The following RP2 variants were observed in gnomAD, a reference collection of about 807,000 sequenced individuals.
RP2 encodes the protein protein XRP2.
In RP2, 3 loss-of-function variants were observed where a neutral mutation model predicts 20.3. The observed-to-expected ratio is 0.15, with a 90% CI of 0.07 to 0.38. The LOEUF is 0.38. Ranked by LOEUF, RP2 falls within the 10% of genes least tolerant of loss-of-function variation. The pLI, the probability that RP2 is intolerant of heterozygous loss-of-function variation, is 1.00. For missense variants in RP2, 233 were observed against 268.5 expected, an observed-to-expected ratio of 0.87 and a Z score of 0.92; for synonymous variants, 75 against 94.8, an observed-to-expected ratio of 0.79 and a Z score of 1.22.
chrX:46,868,100 T>C (rs1450510809), intron 3 of RP2, among the ~76,000 whole-genome samples: 1 of 112,249 alleles, frequency 8.9e-6, no homozygotes, highest in Non-Finnish European at 1.9e-5. Context: ...TGAGTGTACA[T>C]AACTTTTCAA....
intron 1 of RP2, among the ~76,000 whole-genome samples, chrX:46,841,093 G>T (rs1353871958): frequency 8.9e-6 from 1 of 111,859 alleles, no homozygotes; most frequent in African/African-American, 3.2e-5. Context: ...CACCTCTGAG[G>T]AAAGAACTTA....
At chrX:46,847,787 C>CATAT (rs371505091) in intron 1 of RP2, among the ~76,000 whole-genome samples, 34 of 82,645 alleles carry the variant, frequency 4.1e-4, no homozygotes, top group South Asian at 3.8e-3. Flanking sequence ...TACATACACA[C>CATAT]ATGTGTGTGT....
intron 1 of RP2, among the ~76,000 whole-genome samples, chrX:46,845,420 A>C (rs1924700098): frequency 8.9e-6 from 1 of 112,386 alleles, no homozygotes; most frequent in Non-Finnish European, 1.9e-5. Flanking sequence ...AACAATGTTT[A>C]AACTTTAAGT....
intron 1 of RP2, among the ~76,000 whole-genome samples, chrX:46,843,198 G>A (rs1035696894): frequency 2.1e-4 from 23 of 109,795 alleles, no homozygotes; most frequent in Non-Finnish European, 3.8e-4. Context: ...TAGTAGAGAC[G>A]GGGTTTCACC....
At chrX:46,869,364 A>T (rs1488992794) in intron 3 of RP2, among the ~76,000 whole-genome samples, 1 of 105,100 alleles carries the variant, frequency 9.5e-6, no homozygotes, top group African/African-American at 3.5e-5. Flanking sequence ...CGATGGCGCG[A>T]TCTTGGCTCA....
chrX:46,868,288 G>T (rs1925212134), intron 3 of RP2, among the ~76,000 whole-genome samples: 2 of 111,038 alleles, frequency 1.8e-5, no homozygotes, highest in Admixed American at 1.9e-4. Context: ...ACTTTGGGAG[G>T]CCGAGGCAGG....
intron 3 of RP2, among the ~76,000 whole-genome samples, chrX:46,871,714 T>C (rs782025746): frequency 1.6e-4 from 18 of 112,310 alleles, no homozygotes; most frequent in Non-Finnish European, 3.4e-4. Context: ...GTCAAGTTGG[T>C]TGATAGTGCT....
chrX:46,837,343 C>CT, intron 1 of RP2, 141 bp downstream of exon 1: 1 of 654,372 alleles, frequency 1.5e-6, no homozygotes, highest in Non-Finnish European at 2.4e-6. Flanking sequence ...GGGTGCACGA[C>CT]TTTTTTGGGG....
intron 1 of RP2, among the ~76,000 whole-genome samples, chrX:46,838,745 A>AGT (rs782494117): frequency 1.4e-4 from 16 of 112,332 alleles, no homozygotes; most frequent in African/African-American, 4.2e-4. Context: ...CTTTTAGATA[A>AGT]GTGTGTGTGT....
chrX:46,863,011 C>T (rs1035914644), intron 3 of RP2, among the ~76,000 whole-genome samples: 2 of 112,117 alleles, frequency 1.8e-5, no homozygotes, highest in African/African-American at 6.5e-5. Flanking sequence ...TAGGTCTCTT[C>T]AGACAGTATA....
intron 1 of RP2, among the ~76,000 whole-genome samples, chrX:46,848,487 G>A (rs782689383): frequency 1.7e-4 from 18 of 105,104 alleles, no homozygotes; most frequent in South Asian, 1.3e-3. Flanking sequence ...GGGTTCAAGC[G>A]ATTCTCCTGC....
At chrX:46,854,239 A>G in intron 2 of RP2, 98 bp downstream of exon 2, 1 of 848,165 alleles carries the variant, frequency 1.2e-6, no homozygotes, top group Non-Finnish European at 1.7e-6. Flanking sequence ...TTGGAAATAC[A>G]GGCAACCCTC....
At position 46,838,670 on chromosome X, in the gene RP2, T is replaced by A. The variant is rs528472266; in HGVS notation, c.102+1468T>A. ...TATGACTCATCGTTTCACAATAAAT[T>A]GTTTTACAGTTAATGTTTATTAACA... is the stretch of plus-strand genomic sequence containing the variant. On this transcript the variant is annotated intron_variant, in intron 1 of 4. Coordinates refer to ENST00000218340, the MANE Select transcript of RP2 (RefSeq NM_006915.3). Among the ~76,000 whole-genome samples the A allele has an allele frequency of 7.8e-4, 88 of 112,750 alleles. 3 individuals are homozygous for A. The South Asian group carries it at 0.031, about 39-fold the overall frequency.
intron 1 of RP2, among the ~76,000 whole-genome samples, chrX:46,845,999 C>A (rs1277280341): frequency 9.0e-6 from 1 of 111,329 alleles, no homozygotes; most frequent in Non-Finnish European, 1.9e-5. Context: ...CTCCTGAGCT[C>A]AGGTGATCCG....
At chrX:46,861,728 G>A (rs1318974747) in intron 3 of RP2, among the ~76,000 whole-genome samples, 2 of 111,325 alleles carry the variant, frequency 1.8e-5, no homozygotes, top group Non-Finnish European at 3.8e-5. Context: ...TGTAGTCCCA[G>A]CTACTCAGGA....
intron 1 of RP2, among the ~76,000 whole-genome samples, chrX:46,851,108 C>T (rs1322351289): frequency 8.9e-6 from 1 of 111,783 alleles, no homozygotes; most frequent in Admixed American, 9.6e-5. Flanking sequence ...ATTTGCTAAT[C>T]ATTAAGATGA....
intron 1 of RP2, among the ~76,000 whole-genome samples, chrX:46,844,832 C>T (rs1216156123): frequency 1.8e-5 from 2 of 111,755 alleles, no homozygotes; most frequent in Non-Finnish European, 3.8e-5. Flanking sequence ...ACCTCCTCTC[C>T]AGCACCTGTT....
At position 46,865,803 on chromosome X, in the gene RP2, C is replaced by T. The variant is rs1925160533; in HGVS notation, c.883+5701C>T. ...ATTAGCTGGATGTGGTGGCGCATGC[C>T]TGTAGTCCCAGCTACTCGGGAGGCT... On this transcript the variant is annotated intron_variant, in intron 3 of 4. Coordinates refer to ENST00000218340, the MANE Select transcript of RP2 (RefSeq NM_006915.3). 3.6e-5 allele frequency among the ~76,000 whole-genome samples: 4 copies of T among 110,646 alleles called. No individual in the cohort carries two copies. The Admixed American group carries it at 3.9e-4, about 11-fold the overall frequency.
At chrX:46,852,336 A>G (rs1556318299) in intron 1 of RP2, among the ~76,000 whole-genome samples, 1 of 112,026 alleles carries the variant, frequency 8.9e-6, no homozygotes, top group African/African-American at 3.2e-5. Flanking sequence ...GGAGCGAGCT[A>G]TAGTTTGGAA....
Sources: allele counts gnomAD v4.1 joint callset (sites outside exome capture counted in the v4.1 genomes callset), GRCh38; gene constraint gnomAD v4.1.1; transcripts MANE v1.5; gene names NCBI Gene and HGNC (gene_info 2026-07-23, HGNC 2026-07-21).